Variants in CDKL3 observed in about 807,000 individuals in gnomAD.
CDKL3 encodes the protein cyclin-dependent kinase-like 3.
CDKL3 carries 65 observed loss-of-function variants against 69.3 expected under a neutral mutation model. The ratio of observed to expected loss-of-function variants is 0.94; its 90% CI spans 0.77 to 1.15. The LOEUF (loss-of-function observed/expected upper bound fraction) is 1.15. Among genes scored for constraint, CDKL3 ranks in the 50% most tolerant of loss-of-function variants. CDKL3 has a pLI of 0.00. For missense variants in CDKL3, 652 were observed against 689.2 expected, an observed-to-expected ratio of 0.95 and a Z score of 0.61; for synonymous variants, 202 against 221.6, an observed-to-expected ratio of 0.91 and a Z score of 0.79.
At position 134,367,162 on chromosome 5, in the gene CDKL3, G is replaced by A. The variant is rs544775533; in HGVS notation, c.-207C>T. The A allele has an allele frequency of 1.4e-5, 14 of 985,800 alleles. No individual in the cohort carries two copies. In the African/African-American group the frequency reaches 1.9e-4, roughly 14 times the overall value. The allele number at this position is 985,800 out of a possible 1,614,324, so 61.1% of individuals were successfully genotyped here. A position where few individuals can be genotyped will look rare whatever the true frequency, so the allele number is the denominator to read the frequency against. On this transcript the variant is annotated 5_prime_UTR_variant, in exon 1 of 13. Coordinates refer to ENST00000265334, the MANE Select transcript of CDKL3 (RefSeq NM_001113575.2). ...CCACCATGGAAACGCCGGCGGAGTT[G>A]CTGCGTTCTAGACTCGTGCGCAAGA...
chr5:134,341,080 C>CA lies in CDKL3; in HGVS notation c.539+9168dup, dbSNP rs201274549. 6.4e-3 allele frequency among the ~76,000 whole-genome samples: 967 copies of CA among 151,746 alleles called. 5 individuals carry two copies. Among genetic ancestry groups the CA allele is most frequent in the Middle Eastern group, 0.01 (3 of 294 alleles). The stretch of plus-strand genomic sequence containing the variant: ...TATAATACATCAATAGAATAAAAAC[C>CA]AAAAAAATTTCTCATTTTGATCATT... On this transcript the variant is annotated intron_variant, in intron 4 of 12. Coordinates refer to ENST00000265334, the MANE Select transcript of CDKL3 (RefSeq NM_001113575.2).
chr5:134,286,102 T>C (rs929264878), downstream of CDKL3, among the ~76,000 whole-genome samples: 5 of 152,110 alleles, frequency 3.3e-5, 1 homozygote, highest in African/African-American at 1.2e-4. Flanking sequence ...AGACTGGTTA[T>C]AGAGTGAGAC....
At chr5:134,298,182 C>T (rs541609151), downstream of CDKL3, 58 of 865,550 alleles carry the variant, frequency 6.7e-5, no homozygotes, top group Middle Eastern at 1.8e-3. Flanking sequence ...GATCCGCCTG[C>T]CTCAGCCTCC....
intron 12 of CDKL3, chr5:134,299,773 T>C: frequency 2.1e-6 from 3 of 1,437,750 alleles, no homozygotes; most frequent in Non-Finnish European, 2.8e-6. Context: ...TAGAAACAGG[T>C]CTTTAATTGA....
intron 4 of CDKL3, among the ~76,000 whole-genome samples, chr5:134,339,062 G>A (rs933190977): frequency 6.6e-6 from 1 of 151,716 alleles, no homozygotes; most frequent in South Asian, 2.1e-4. Flanking sequence ...GGTGAGGAAG[G>A]GAGAACTGCT....
upstream of CDKL3, chr5:134,367,333 G>A (rs1757696798): frequency 1.1e-6 from 1 of 949,092 alleles, no homozygotes; most frequent in Non-Finnish European, 1.3e-6. Flanking sequence ...CTCCTCACAA[G>A]GTTGCTTTTG....
downstream of CDKL3, among the ~76,000 whole-genome samples, chr5:134,297,944 G>A (rs1229690892): frequency 1.7e-4 from 17 of 101,722 alleles, no homozygotes; most frequent in African/African-American, 7.1e-4. Flanking sequence ...GTGTGTGTGT[G>A]TGTTTTGAGA....
chr5:134,352,712 G>T (rs1753629728), intron 3 of CDKL3, among the ~76,000 whole-genome samples: 1 of 152,118 alleles, frequency 6.6e-6, no homozygotes. Context: ...GCCTCCCAAA[G>T]TGCTGGGATT....
At chr5:134,339,859 A>G (rs986183214) in intron 4 of CDKL3, among the ~76,000 whole-genome samples, 13 of 152,180 alleles carry the variant, frequency 8.5e-5, no homozygotes, top group African/African-American at 2.9e-4. Context: ...TAATCAGAAA[A>G]TACTTTGAGG....
intron 5 of CDKL3, among the ~76,000 whole-genome samples, chr5:134,320,435 G>A (rs530543493): frequency 3.9e-5 from 6 of 152,012 alleles, no homozygotes; most frequent in South Asian, 4.2e-4. Context: ...AAAATTAGCC[G>A]GGGATGATGG....
intron 4 of CDKL3, among the ~76,000 whole-genome samples, chr5:134,329,415 T>C (rs1288413629): frequency 6.6e-6 from 1 of 152,078 alleles, no homozygotes; most frequent in Non-Finnish European, 1.5e-5. Flanking sequence ...GCAATATAAA[T>C]GCAGAATTTT....
intron 4 of CDKL3, among the ~76,000 whole-genome samples, chr5:134,334,696 G>A (rs1776627671): frequency 6.6e-6 from 1 of 152,130 alleles, no homozygotes; most frequent in Non-Finnish European, 1.5e-5. Flanking sequence ...TGTGATTTCT[G>A]TTCTTTTACA....
intron 3 of CDKL3, among the ~76,000 whole-genome samples, chr5:134,355,486 A>G (rs1036052138): frequency 2.0e-5 from 3 of 152,186 alleles, no homozygotes; most frequent in African/African-American, 7.2e-5. Flanking sequence ...AGGAAGATAG[A>G]CTAGTATGTG....
chr5:134,368,926 C>T (rs1043738309), upstream of CDKL3, among the ~76,000 whole-genome samples: 1 of 152,042 alleles, frequency 6.6e-6, no homozygotes, highest in Non-Finnish European at 1.5e-5. Flanking sequence ...GCTACTTGGG[C>T]GTCTGAAGGA....
At chr5:134,371,561 T>A (rs762292024), upstream of CDKL3, 16 of 1,609,246 alleles carry the variant, frequency 9.9e-6, no homozygotes, top group Admixed American at 2.5e-4. Context: ...CGGGACTTTT[T>A]TTTTTTCAGA....
chr5:134,295,069 A>G, downstream of CDKL3, among the ~76,000 whole-genome samples: 1 of 136,652 alleles, frequency 7.3e-6, no homozygotes, highest in East Asian at 2.2e-4. Flanking sequence ...GGCTGGAGTG[A>G]AGTGGTGCAA....
intron 4 of CDKL3, among the ~76,000 whole-genome samples, chr5:134,339,499 T>C (rs895339164): frequency 1.3e-5 from 2 of 152,128 alleles, no homozygotes; most frequent in Non-Finnish European, 2.9e-5. Flanking sequence ...GTAATAATGA[T>C]AAGCATGTCT....
chr5:134,321,130 T>C (rs528216707), intron 5 of CDKL3, among the ~76,000 whole-genome samples: 1 of 147,132 alleles, frequency 6.8e-6, no homozygotes, highest in South Asian at 2.3e-4. Flanking sequence ...TGCCTCAGCC[T>C]CCTGAGTAAC....
At chr5:134,347,202 A>T (rs571593266) in intron 4 of CDKL3, among the ~76,000 whole-genome samples, 87 of 102,454 alleles carry the variant, frequency 8.5e-4, no homozygotes, top group African/African-American at 4.3e-3. Flanking sequence ...AGTTTACTTT[A>T]AAAAAAAAAA....
Sources: gnomAD v4.1 joint callset for allele counts (sites outside exome capture counted in the v4.1 genomes callset) on GRCh38, gnomAD v4.1.1 for gene constraint, MANE v1.5 for transcripts, NCBI Gene and HGNC (gene_info 2026-07-23, HGNC 2026-07-21) for gene names.